Variants in RAPGEF2 observed in about 807,000 individuals in gnomAD.
RAPGEF2 encodes PDZ domain containing guanine nucleotide exchange factor (GEF) 1.
Under a neutral mutation model 186.7 loss-of-function variants are expected in RAPGEF2, and 54 were observed. The ratio of observed to expected loss-of-function variants is 0.29; its 90% CI spans 0.23 to 0.36. The LOEUF is 0.36. Ranked by LOEUF, RAPGEF2 falls within the 10% of genes least tolerant of loss-of-function variation. RAPGEF2 has a pLI of 1.00. For missense variants in RAPGEF2, 1,532 were observed against 2,045.0 expected (o/e 0.75, Z 4.84); for synonymous variants, 712 against 705.9 (o/e 1.01, Z -0.14).
intron 3 of RAPGEF2, among the ~76,000 whole-genome samples, chr4:159,197,149 A>G (rs1391246313): frequency 6.6e-6 from 1 of 152,238 alleles, no homozygotes; most frequent in Non-Finnish European, 1.5e-5. Context: ...TTAATCTTAA[A>G]TGAGAAACAT....
Position 159,339,361 on chromosome 4 carries a change from A to G in RAPGEF2, c.2534+7A>G. On this transcript the variant is annotated splice_region_variant and intron_variant, in intron 19 of 29. Coordinates refer to ENST00000691494, the MANE Select transcript of RAPGEF2 (RefSeq NM_001394067.2). ...GAATACAACTGAGTGGAAGGTATAT[A>G]TTATCTACCTTACTGGATTTCTTTG... The G allele has an allele frequency of 1.9e-6, 3 of 1,608,348 alleles. No homozygotes were observed. Among genetic ancestry groups the G allele is most frequent in the Non-Finnish European group, 1.7e-6 (2 of 1,175,794 alleles).
At chr4:159,304,793 A>G (rs1763086371) in intron 8 of RAPGEF2, among the ~76,000 whole-genome samples, 1 of 152,062 alleles carries the variant, frequency 6.6e-6, no homozygotes, top group African/African-American at 2.4e-5. Flanking sequence ...ACATCACCCC[A>G]ATAACCTACA....
chr4:159,330,102 T>C lies in RAPGEF2; in HGVS notation c.1302+92T>C. 4 of 1,294,164 alleles carry C rather than the reference T, an allele frequency of 3.1e-6. No individual in the cohort carries two copies. The East Asian group carries it at 7.1e-5, about 23-fold the overall frequency. 80.2% of individuals were successfully genotyped at this position (1,294,164 alleles called of 1,614,324 possible). A position where few individuals can be genotyped will look rare whatever the true frequency, so the allele number is the denominator to read the frequency against. On this transcript the variant is annotated intron_variant, in intron 12 of 29. Coordinates refer to ENST00000691494, the MANE Select transcript of RAPGEF2 (RefSeq NM_001394067.2). ...TAGGATTTTTTTTCATTTTTAGGCC[T>C]ATCTCTTAAAGGTTATCAGTTGTGA...
chr4:159,279,010 T>A (rs924775277), intron 7 of RAPGEF2, among the ~76,000 whole-genome samples: 1 of 152,306 alleles, frequency 6.6e-6, no homozygotes, highest in East Asian at 1.9e-4. Context: ...TTGGTTTGCC[T>A]TTTCCATCCC....
chr4:159,268,676 C>CA (rs1403613934), intron 7 of RAPGEF2, among the ~76,000 whole-genome samples: 1 of 152,024 alleles, frequency 6.6e-6, no homozygotes, highest in African/African-American at 2.4e-5. Context: ...CAGTGGGACT[C>CA]ATCTGATTTC....
At chr4:159,157,774 C>G (rs1001802043) in intron 1 of RAPGEF2, among the ~76,000 whole-genome samples, 5 of 152,198 alleles carry the variant, frequency 3.3e-5, no homozygotes, top group African/African-American at 4.8e-5. Context: ...GAAAAACACT[C>G]CCAACATATC....
intron 7 of RAPGEF2, among the ~76,000 whole-genome samples, chr4:159,276,530 TTACGGTTA>T (rs1445589806): frequency 6.6e-5 from 10 of 152,338 alleles, no homozygotes; most frequent in African/African-American, 2.4e-4. Context: ...TTTGTTTTTG[TTACGGTTA>T]TTTGAGCAGC....
intron 7 of RAPGEF2, among the ~76,000 whole-genome samples, chr4:159,295,754 T>TGTGTGCGCGCGCGC (rs1386754001): frequency 2.6e-5 from 3 of 113,934 alleles, no homozygotes; most frequent in Non-Finnish European, 3.9e-5. Flanking sequence ...TGTGTGTGTG[T>TGTGTGCGCGCGCGC]GCGCGCGCGC....
At chr4:159,305,748 A>G (rs1763203032) in intron 8 of RAPGEF2, among the ~76,000 whole-genome samples, 2 of 152,022 alleles carry the variant, frequency 1.3e-5, no homozygotes, top group South Asian at 2.1e-4. Context: ...ATTTGCGTAG[A>G]CCAGTGTCCA....
intron 29 of RAPGEF2, among the ~76,000 whole-genome samples, chr4:159,356,742 A>C (rs1456894154): frequency 6.6e-6 from 1 of 151,854 alleles, no homozygotes; most frequent in Non-Finnish European, 1.5e-5. Flanking sequence ...CTCTACTAAA[A>C]ATACAAAAAT....
intron 1 of RAPGEF2, among the ~76,000 whole-genome samples, chr4:159,112,069 G>A (rs1049378330): frequency 7.9e-5 from 12 of 152,118 alleles, no homozygotes; most frequent in African/African-American, 2.4e-4. Flanking sequence ...AATTGGAATC[G>A]TACAGTATAT....
chr4:159,313,709 C>A (rs1422598380), intron 8 of RAPGEF2, among the ~76,000 whole-genome samples: 1 of 152,108 alleles, frequency 6.6e-6, no homozygotes, highest in Non-Finnish European at 1.5e-5. Context: ...AAAAACACTT[C>A]TGTTCAAGAT....
chr4:159,214,415 A>C (rs560711561), intron 4 of RAPGEF2, among the ~76,000 whole-genome samples: 1 of 152,372 alleles, frequency 6.6e-6, no homozygotes, highest in East Asian at 1.9e-4. Flanking sequence ...TTATCTTATG[A>C]GGTTGCAGAT....
At chr4:159,257,162 A>G (rs1482953766) in intron 7 of RAPGEF2, among the ~76,000 whole-genome samples, 1 of 152,098 alleles carries the variant, frequency 6.6e-6, no homozygotes, top group Non-Finnish European at 1.5e-5. Flanking sequence ...GGCATTGTCT[A>G]GATTTTCTTC....
intron 3 of RAPGEF2, among the ~76,000 whole-genome samples, chr4:159,206,793 C>T (rs1436818984): frequency 6.6e-6 from 1 of 152,174 alleles, no homozygotes; most frequent in Non-Finnish European, 1.5e-5. Flanking sequence ...TCGATGCTGA[C>T]ACCTCAGCAA....
At chr4:159,200,312 C>T (rs991217309) in intron 3 of RAPGEF2, among the ~76,000 whole-genome samples, 28 of 151,788 alleles carry the variant, frequency 1.8e-4, no homozygotes, top group Admixed American at 1.6e-3. Context: ...TAAAAAAATA[C>T]AAAAATTAGC....
chr4:159,117,214 T>C (rs1167610437), intron 1 of RAPGEF2, among the ~76,000 whole-genome samples: 1 of 152,188 alleles, frequency 6.6e-6, no homozygotes, highest in Non-Finnish European at 1.5e-5. Flanking sequence ...AGCATTTCAA[T>C]GTTTCTAATC....
chr4:159,194,596 T>G (rs1748433338), intron 3 of RAPGEF2, among the ~76,000 whole-genome samples: 1 of 152,238 alleles, frequency 6.6e-6, no homozygotes, highest in South Asian at 2.1e-4. Context: ...CTCTAAAAGA[T>G]AGTGACTTTA....
chr4:159,176,656 A>G (rs1407088926), intron 1 of RAPGEF2, among the ~76,000 whole-genome samples: 4 of 152,226 alleles, frequency 2.6e-5, no homozygotes, highest in African/African-American at 9.6e-5. Flanking sequence ...TCCACAGATG[A>G]AAAAATATCC....
Sources: allele counts gnomAD v4.1 joint callset (sites outside exome capture counted in the v4.1 genomes callset), GRCh38; gene constraint gnomAD v4.1.1; transcripts MANE v1.5; gene names NCBI Gene and HGNC (gene_info 2026-07-23, HGNC 2026-07-21).